Variants in BSN observed in about 807,000 individuals in gnomAD.
BSN encodes protein bassoon.
Under a neutral mutation model 264.8 loss-of-function variants are expected in BSN, and 57 were observed. The ratio of observed to expected loss-of-function variants is 0.22; its 90% CI spans 0.17 to 0.27. The LOEUF is 0.27. Ranked by LOEUF, BSN falls within the 10% of genes least tolerant of loss-of-function variation. The pLI, the probability that BSN is intolerant of heterozygous loss-of-function variation, is 1.00. For missense variants in BSN, 4,615 were observed against 5,232.5 expected (o/e 0.88, Z 3.64); for synonymous variants, 2,059 against 2,137.3 (o/e 0.96, Z 1.01).
chr3:49,576,247 G>A (rs1346085940), intron 1 of BSN, among the ~76,000 whole-genome samples: 1 of 151,912 alleles, frequency 6.6e-6, no homozygotes, highest in Non-Finnish European at 1.5e-5. Flanking sequence ...CATCCTGCTT[G>A]GGGAGGACAG....
chr3:49,563,544 C>T (rs2051731166), intron 1 of BSN, among the ~76,000 whole-genome samples: 1 of 152,218 alleles, frequency 6.6e-6, no homozygotes, highest in South Asian at 2.1e-4. Flanking sequence ...TTTGGGCAGA[C>T]TCCTTCATTT....
At chr3:49,627,844 A>G (rs1201206279) in intron 2 of BSN, among the ~76,000 whole-genome samples, 3 of 152,184 alleles carry the variant, frequency 2.0e-5, no homozygotes, top group African/African-American at 7.2e-5. Flanking sequence ...CAATCAGAGT[A>G]GAAAAAGGTA....
At chr3:49,578,788 C>T (rs2051868505) in intron 1 of BSN, among the ~76,000 whole-genome samples, 1 of 152,156 alleles carries the variant, frequency 6.6e-6, no homozygotes, top group African/African-American at 2.4e-5. Flanking sequence ...CTTCCCCCCT[C>T]TATCTATCCT....
chr3:49,609,694 A>G (rs1338631924), intron 1 of BSN, among the ~76,000 whole-genome samples: 1 of 152,188 alleles, frequency 6.6e-6, no homozygotes, highest in Non-Finnish European at 1.5e-5. Context: ...GCGTTCACAC[A>G]TGTGACTATG....
chr3:49,610,656 G>A (rs1472132438), intron 1 of BSN, among the ~76,000 whole-genome samples: 1 of 146,842 alleles, frequency 6.8e-6, no homozygotes, highest in African/African-American at 2.5e-5. Flanking sequence ...GGGATGAATA[G>A]ATATTAGCTT....
chr3:49,660,499 C>T lies in BSN; in HGVS notation c.8654C>T (p.Pro2885Leu). Residue 2885 changes from proline (P) to leucine (L), a missense_variant, in exon 6 of 12, where the codon CCA (proline) becomes CTA (leucine). Pro to Leu is a moderately conservative substitution (Grantham distance 98). Coordinates refer to ENST00000296452, the MANE Select transcript of BSN (RefSeq NM_003458.4). The surrounding 1 kb of genome is among the most constrained non-coding windows in gnomAD (Gnocchi z 7.1). ...CCTCTGTCTCAGGTGTCGGCGTTGC[C>T]ACCCAACAGCCTGGTCCGCAAGGTG... is the stretch of plus-strand genomic sequence containing the variant. ...GGLGSQVSAL[P>L]PNSLVRKVKR... is the part of the protein sequence containing the mutation. 6.5e-7 allele frequency: 1 copy of T among 1,531,382 alleles called. No individual in the cohort carries two copies. Among genetic ancestry groups the T allele is most frequent in the Middle Eastern group, 1.8e-4 (1 of 5,546 alleles). The allele number at this position is 1,531,382 out of a possible 1,614,324, so 94.9% of individuals were successfully genotyped here. A position where few individuals can be genotyped will look rare whatever the true frequency, so the allele number is the denominator to read the frequency against.
intron 2 of BSN, among the ~76,000 whole-genome samples, chr3:49,641,951 C>T (rs1300080387): frequency 2.0e-5 from 3 of 150,058 alleles, no homozygotes; most frequent in East Asian, 2.0e-4. Context: ...TTGGGGTGCA[C>T]AGATCTGAGG....
Position 49,650,779 on chromosome 3 carries a change from C to T in BSN, c.1686C>T (p.Gly562=). 1 of 1,613,814 alleles carries T rather than the reference C, an allele frequency of 6.2e-7. No individual in the cohort carries two copies. The highest frequency in any genetic ancestry group is 8.5e-7 in the Non-Finnish European group (1 of 1,179,950). The change falls in exon 4 of 12, where the codon GGC becomes GGT. Residue 562 remains glycine, a synonymous_variant. Transcript: ENST00000296452. ...AGCAGAAAGGGCCACAGGGGCTGGGCCAGCCTTCAGGCCCCCTGCCTGCCA... is the reference window on the plus strand; with the variant it reads ...AGCAGAAAGGGCCACAGGGGCTGGGTCAGCCTTCAGGCCCCCTGCCTGCCA... ...PLKQKGPQGL[G]QPSGPLPAKA... is the part of the protein sequence containing the mutation.
rs756633365 is a variant in BSN at position 49,650,823 on chromosome 3, CCAAGGCCAGCCCTCTGCCCAG to C, written c.1743_1763del (p.Leu582_Pro588del). 15 of 1,613,964 alleles carry C rather than the reference CCAAGGCCAGCCCTCTGCCCAG, an allele frequency of 9.3e-6. No homozygotes were observed. Among genetic ancestry groups the C allele is most frequent in the Admixed American group, 1.7e-5 (1 of 59,982 alleles). On this transcript the variant is annotated inframe_deletion, in exon 4 of 12. Coordinates refer to ENST00000296452, the MANE Select transcript of BSN (RefSeq NM_003458.4). ...CCTGCCAAGGCCAGCCCTCTATCCA[CCAAGGCCAGCCCTCTGCCCAG>C]CAAGGCCAGCCCCCAGGCCAAGCCC...
intron 1 of BSN, among the ~76,000 whole-genome samples, chr3:49,617,362 T>C (rs2052268958): frequency 6.6e-6 from 1 of 151,258 alleles, no homozygotes; most frequent in Admixed American, 6.6e-5. Flanking sequence ...TAGTCTTCCC[T>C]GTTTGACTTC....
intron 1 of BSN, among the ~76,000 whole-genome samples, chr3:49,599,800 A>G (rs2052057727): frequency 6.6e-6 from 1 of 152,188 alleles, no homozygotes; most frequent in South Asian, 2.1e-4. Flanking sequence ...ACTCCTCAGT[A>G]TAAAGCCAAA....
rs2052587571 is a variant in BSN, at chr3:49,655,212, GC to G, written c.5659del (p.Leu1887TrpfsTer6). On this transcript the variant is annotated frameshift_variant, in exon 5 of 12. Coordinates refer to ENST00000296452, the MANE Select transcript of BSN (RefSeq NM_003458.4). LOFTEE classifies it high-confidence loss of function. Reference protein sequence around the residue: ...TTLLPEEPAGALDLTGMRPES... With the variant: ...TTLLPEEPAGXLDLTGMRPES... Reference sequence around the variant, plus strand: ...ACTGCTCCCAGAGGAGCCTGCGGGTGCCCTGGACCTTACCGGGATGAGGCCT... The same window carrying G: ...ACTGCTCCCAGAGGAGCCTGCGGGTGCCTGGACCTTACCGGGATGAGGCCT... 1 of 1,612,914 alleles carries G rather than the reference GC, an allele frequency of 6.2e-7. No homozygotes were observed. Among genetic ancestry groups the G allele is most frequent in the African/African-American group, 1.3e-5 (1 of 74,950 alleles).
At chr3:49,582,735 G>A (rs1172911547) in intron 1 of BSN, among the ~76,000 whole-genome samples, 1 of 151,960 alleles carries the variant, frequency 6.6e-6, no homozygotes, top group Non-Finnish European at 1.5e-5. Context: ...GATTGTAAAG[G>A]GAAAGCTTCT....
chr3:49,639,134 TG>T (rs894496048), intron 2 of BSN, among the ~76,000 whole-genome samples: 2 of 152,092 alleles, frequency 1.3e-5, no homozygotes, highest in African/African-American at 4.8e-5. Flanking sequence ...GGACTGAAAT[TG>T]TTTTCTCTCT....
At chr3:49,659,068 G>C (rs145413815) in intron 5 of BSN, among the ~76,000 whole-genome samples, 8 of 152,366 alleles carry the variant, frequency 5.3e-5, no homozygotes, top group Non-Finnish European at 1.2e-4. Context: ...TGAAGGAAGA[G>C]ACCTGGCAGA....
chr3:49,578,639 C>G (rs2051866882), intron 1 of BSN, among the ~76,000 whole-genome samples: 1 of 151,948 alleles, frequency 6.6e-6, no homozygotes, highest in African/African-American at 2.4e-5. Context: ...ATCTCCTGAT[C>G]TCGTGATCCA....
chr3:49,662,998 A>C lies in BSN; in HGVS notation c.10840A>C (p.Arg3614=). The C allele has an allele frequency of 1.2e-6, 2 of 1,614,096 alleles. No individual in the cohort carries two copies. Among genetic ancestry groups the C allele is most frequent in the Non-Finnish European group, 1.7e-6 (2 of 1,180,016 alleles). Residue 3614 remains arginine, a synonymous_variant, in exon 7 of 12, where the codon AGG becomes CGG. Transcript: ENST00000296452. ...SSSSQKRGPA[R]HSYHDYDEPP... ...CTCCTCCCAGAAGCGAGGCCCTGCCAGGCACAGCTACCATGACTACGATGA... is the reference window on the plus strand; with the variant it reads ...CTCCTCCCAGAAGCGAGGCCCTGCCCGGCACAGCTACCATGACTACGATGA...
intron 1 of BSN, among the ~76,000 whole-genome samples, chr3:49,574,280 A>C (rs2051823679): frequency 6.6e-6 from 1 of 151,864 alleles, no homozygotes; most frequent in Non-Finnish European, 1.5e-5. Context: ...TAGTACTTTT[A>C]AAAACATGTT....
Position 49,657,516 on chromosome 3 carries a change from G to T in BSN, c.7960G>T (p.Ala2654Ser), listed in dbSNP as rs2052618564. Residue 2654 changes from alanine to serine, a missense_variant, in exon 5 of 12, where the codon GCT becomes TCT. Transcript: ENST00000296452. The part of the protein sequence containing the change: ...KHDATASSSS[A>S]AATVRAMSSV... Reference sequence around the variant, plus strand: ...CGATGCCACTGCCTCATCATCCAGTGCTGCTGCCACTGTGAGGGCCATGAG... The same window carrying T: ...CGATGCCACTGCCTCATCATCCAGTTCTGCTGCCACTGTGAGGGCCATGAG... 1.2e-6 allele frequency: 2 copies of T among 1,613,218 alleles called. No individual in the cohort carries two copies. The highest frequency in any genetic ancestry group is 1.6e-4 in the Middle Eastern group (1 of 6,062).
Sources: gnomAD v4.1 joint callset for allele counts (sites outside exome capture counted in the v4.1 genomes callset) on GRCh38, gnomAD v4.1.1 for gene constraint, Gnocchi (gnomAD v3.1) non-coding constraint, MANE v1.5 for transcripts, NCBI Gene and HGNC (gene_info 2026-07-23, HGNC 2026-07-21) for gene names.